Variants in UGGT1 observed in about 807,000 individuals in gnomAD.
The protein encoded by UGGT1 is UDP-glucose:glycoprotein glucosyltransferase 1.
UGGT1 carries 107 observed loss-of-function variants against 203.9 expected under a neutral mutation model. That is an observed-to-expected ratio of 0.52 (90% CI 0.45 to 0.62). The LOEUF (loss-of-function observed/expected upper bound fraction) is 0.62. Among genes scored for constraint, UGGT1 ranks in the 20% least tolerant of loss-of-function variants. The pLI is 0.00. For synonymous variants in UGGT1, 628 were observed against 653.5 expected (o/e 0.96, Z 0.59); for missense variants, 1,673 against 1,867.2 (o/e 0.90, Z 1.92).
chr2:128,174,086 TC>T, intron 30 of UGGT1, 147 bp downstream of exon 30: 1 of 957,228 alleles, frequency 1.0e-6, no homozygotes, highest in African/African-American at 1.7e-5. Context: ...AATCATTAGT[TC>T]AGCTAAATTT....
In UGGT1 at chr2:128,169,102, A is replaced by C. The variant is rs1314858243; in HGVS notation, c.2922-1186A>C. Among the ~76,000 whole-genome samples the C allele has an allele frequency of 2.4e-5, 3 of 126,458 alleles. No homozygotes were observed. The Admixed American group carries it at 2.7e-4, about 11-fold the overall frequency. The allele number at this position is 126,458 out of a possible 152,430, so 83.0% of individuals were successfully genotyped here. ...AAAAAAAAAAAAAAAGACAAGGACC[A>C]GGTGTGGTGGCTTATGCCATTGCTT... On this transcript the variant is annotated intron_variant, in intron 26 of 40. Coordinates refer to ENST00000259253, the MANE Select transcript of UGGT1 (RefSeq NM_020120.4).
At chr2:128,172,864 T>C in intron 29 of UGGT1, 102 bp downstream of exon 29, 3 of 1,137,290 alleles carry the variant, frequency 2.6e-6, no homozygotes, top group Non-Finnish European at 3.7e-6. Flanking sequence ...TCAGGTATGA[T>C]ATTTTTTTAA....
intron 40 of UGGT1, among the ~76,000 whole-genome samples, chr2:128,188,291 G>T (rs1268161973): frequency 6.6e-6 from 1 of 151,878 alleles, no homozygotes; most frequent in Non-Finnish European, 1.5e-5. Flanking sequence ...TGATCCGCCC[G>T]CCTCAGCCTC....
intron 30 of UGGT1, among the ~76,000 whole-genome samples, chr2:128,174,309 GTTTTTTTT>G (rs536672995): frequency 7.4e-6 from 1 of 134,454 alleles, no homozygotes; most frequent in African/African-American, 2.7e-5. Flanking sequence ...TATTGTACTA[GTTTTTTTT>G]TTTTTTTTTT....
rs61353741 is a variant in UGGT1 at position 128,126,684 on chromosome 2, CT to C, written c.1135-659del. On this transcript the variant is annotated intron_variant, in intron 11 of 40. Coordinates refer to ENST00000259253, the MANE Select transcript of UGGT1 (RefSeq NM_020120.4). ...TGCTATTCACCAGCTCAGGGTCAGTCTTTTTTTTTTTTTTTTTTGAGACAGT... is the reference window on the plus strand; with the variant it reads ...TGCTATTCACCAGCTCAGGGTCAGTCTTTTTTTTTTTTTTTTTGAGACAGT... 5.5e-3 allele frequency among the ~76,000 whole-genome samples: 653 copies of C among 119,690 alleles called. 5 individuals carry two copies. The highest frequency in any genetic ancestry group is 0.018 in the African/African-American group (571 of 32,276). 78.5% of individuals were successfully genotyped at this position (119,690 alleles called of 152,430 possible).
chr2:128,134,452 C>T (rs1024877340), intron 14 of UGGT1, among the ~76,000 whole-genome samples: 2 of 152,216 alleles, frequency 1.3e-5, no homozygotes, highest in South Asian at 2.1e-4. Flanking sequence ...TTGCTTAACA[C>T]GTAATACGTG....
Position 128,160,563 on chromosome 2 carries a change from G to A in UGGT1, c.2666G>A (p.Gly889Glu), listed in dbSNP as rs1033039860. Residue 889 changes from glycine (G) to glutamate (E), a missense_variant, in exon 24 of 41, where the codon GGA (glycine) becomes GAA (glutamate). Around this residue, in one of 4 missense-constraint regions of UGGT1, gnomAD observed 1,073 missense variants for 1,078.7 expected, o/e 0.99. Coordinates refer to ENST00000259253, the MANE Select transcript of UGGT1 (RefSeq NM_020120.4). Reference sequence around the variant, plus strand: ...AGGGATGTTCTGAAGCTGAAGAAGGGACAGAGGGCAGTGATCAGCAATGGA... The same window carrying A: ...AGGGATGTTCTGAAGCTGAAGAAGGAACAGAGGGCAGTGATCAGCAATGGA... ...YCRDVLKLKK[G>E]QRAVISNGRI... is the part of the protein sequence containing the mutation. The A allele has an allele frequency of 6.2e-7, 1 of 1,613,158 alleles. No homozygotes were observed. The highest frequency in any genetic ancestry group is 1.3e-5 in the African/African-American group (1 of 74,856).
chr2:128,098,611 G>A (rs1687221804), intron 2 of UGGT1, among the ~76,000 whole-genome samples: 1 of 152,082 alleles, frequency 6.6e-6, no homozygotes, highest in African/African-American at 2.4e-5. Flanking sequence ...ATAGCTGAGT[G>A]TGGTGGTTCG....
At chr2:128,132,686 C>T (rs1239840320) in intron 13 of UGGT1, among the ~76,000 whole-genome samples, 3 of 152,076 alleles carry the variant, frequency 2.0e-5, no homozygotes, top group Non-Finnish European at 2.9e-5. Flanking sequence ...TTTAGTCACT[C>T]ATTTTTCCAC....
chr2:128,103,774 AAT>A (rs1160085254), intron 2 of UGGT1, among the ~76,000 whole-genome samples, 156 bp from the exon 3 acceptor site: 1 of 151,236 alleles, frequency 6.6e-6, no homozygotes, highest in African/African-American at 2.4e-5. Context: ...TATCATTAAA[AAT>A]ATATATATTA....
intron 10 of UGGT1, 138 bp downstream of exon 10, chr2:128,121,436 A>C (rs1336529640): frequency 3.5e-6 from 2 of 571,820 alleles, no homozygotes; most frequent in Non-Finnish European, 5.5e-6. Flanking sequence ...ATGGAGTCTC[A>C]CTCTTGTTGC....
chr2:128,094,593 C>T (rs1394423740), intron 1 of UGGT1, among the ~76,000 whole-genome samples: 1 of 152,100 alleles, frequency 6.6e-6, no homozygotes, highest in South Asian at 2.1e-4. Flanking sequence ...GTAGCAAACT[C>T]AGGAATTGAT....
intron 3 of UGGT1, among the ~76,000 whole-genome samples, chr2:128,105,639 C>A (rs6430980): frequency 1.6e-4 from 25 of 151,806 alleles, no homozygotes; most frequent in Non-Finnish European, 2.6e-4. Context: ...CTCAGCCTCC[C>A]GAGTAGCTGG....
intron 5 of UGGT1, among the ~76,000 whole-genome samples, chr2:128,112,726 G>A (rs1687928136): frequency 1.3e-5 from 2 of 151,054 alleles, no homozygotes; most frequent in Admixed American, 1.3e-4. Context: ...AGGACTACAG[G>A]TGCATGCCAC....
intron 26 of UGGT1, among the ~76,000 whole-genome samples, chr2:128,168,911 G>T (rs1221792759): frequency 1.3e-5 from 2 of 151,978 alleles, no homozygotes; most frequent in Non-Finnish European, 2.9e-5. Context: ...GCTGGGCATG[G>T]TGGCATGTGC....
intron 35 of UGGT1, among the ~76,000 whole-genome samples, chr2:128,180,307 A>C (rs1042381398): frequency 2.0e-4 from 31 of 152,350 alleles, no homozygotes; most frequent in South Asian, 6.2e-4. Flanking sequence ...TACTTATATC[A>C]GTCAGTATTT....
intron 15 of UGGT1, among the ~76,000 whole-genome samples, chr2:128,137,365 C>T (rs900778133): frequency 6.6e-6 from 1 of 152,212 alleles, no homozygotes; most frequent in African/African-American, 2.4e-5. Context: ...CTGCAATGAG[C>T]TGATTGTGCC....
At chr2:128,183,850 A>C (rs563375929) in intron 38 of UGGT1, 61 bp downstream of exon 38, 1 of 1,342,176 alleles carries the variant, frequency 7.5e-7, no homozygotes, top group Admixed American at 1.8e-5. Flanking sequence ...GCATCAGAAA[A>C]TGAAGTATTA....
chr2:128,091,200 A>T lies in UGGT1; in HGVS notation c.-158A>T. On this transcript the variant is annotated 5_prime_UTR_variant, in exon 1 of 41. Transcript: ENST00000259253. ...AAGCGGAAGTAAAAGGGCGGCCGGC[A>T]GCTGGGCAATTGCTTTGCGAGGCTG... 1 of 797,152 alleles carries T rather than the reference A, an allele frequency of 1.3e-6. No individual in the cohort carries two copies. Among genetic ancestry groups the T allele is most frequent in the Non-Finnish European group, 1.9e-6 (1 of 534,910 alleles). The allele number at this position is 797,152 out of a possible 1,614,324, so 49.4% of individuals were successfully genotyped here.
Sources: allele counts gnomAD v4.1 joint callset (sites outside exome capture counted in the v4.1 genomes callset), GRCh38; gene constraint gnomAD v4.1.1; regional missense constraint gnomAD v4.1.1; transcripts MANE v1.5; gene names NCBI Gene and HGNC (gene_info 2026-07-23, HGNC 2026-07-21).